RIMBP2: variants seen among roughly 807,000 people sequenced by gnomAD.
RIMBP2 encodes RIMS binding protein 2.
Under a neutral mutation model 118.6 loss-of-function variants are expected in RIMBP2, and 48 were observed. The observed-to-expected ratio is 0.40, with a 90% confidence interval of 0.32 to 0.51. The LOEUF (loss-of-function observed/expected upper bound fraction) is 0.51, where lower values mean the gene tolerates loss of function less well. Ranked by LOEUF, RIMBP2 falls within the 20% of genes least tolerant of loss-of-function variation. The pLI is 0.41. For missense variants in RIMBP2, 1,551 were observed against 1,768.3 expected, an observed-to-expected ratio of 0.88 and a Z score of 2.20; for synonymous variants, 762 against 742.9, an observed-to-expected ratio of 1.03 and a Z score of -0.42.
chr12:130,462,752 C>T (rs753427316), intron 6 of RIMBP2, among the ~76,000 whole-genome samples: 8 of 152,238 alleles, frequency 5.3e-5, no homozygotes, highest in Non-Finnish European at 7.3e-5. Context: ...CAGGGCAGAG[C>T]GCTGGCACCA....
chr12:130,470,939 T>A (rs1251907228), intron 5 of RIMBP2, among the ~76,000 whole-genome samples, 196 bp from the exon 6 acceptor site: 3 of 152,230 alleles, frequency 2.0e-5, no homozygotes, highest in Non-Finnish European at 4.4e-5. Context: ...GCTGTACAGA[T>A]AAATTGCACA....
At chr12:130,531,891 G>A (rs1227472756) in intron 2 of RIMBP2, among the ~76,000 whole-genome samples, 4 of 151,096 alleles carry the variant, frequency 2.6e-5, no homozygotes, top group African/African-American at 7.3e-5. Flanking sequence ...AATGAGATGC[G>A]TATGTTTAGC....
intron 1 of RIMBP2, among the ~76,000 whole-genome samples, chr12:130,662,690 T>C (rs2063713447): frequency 6.6e-6 from 1 of 150,982 alleles, no homozygotes; most frequent in Admixed American, 6.6e-5. Context: ...GCACAGTAGC[T>C]CACACCTGTA....
chr12:130,631,163 A>C (rs1035914876), intron 1 of RIMBP2, among the ~76,000 whole-genome samples: 4 of 152,230 alleles, frequency 2.6e-5, no homozygotes, highest in Non-Finnish European at 5.9e-5. Flanking sequence ...AAAGAACGGG[A>C]GAAGAGTTTT....
rs569696622 is a variant in RIMBP2, at chr12:130,422,184, G to T, written c.3238+269C>A. On this transcript the variant is annotated intron_variant, in intron 17 of 22. Transcript: ENST00000690449. The surrounding 1 kb of genome is among the most constrained non-coding windows in gnomAD (Gnocchi z 5.2). ...AGGATGAGGGAGGTGACACAAAGTG[G>T]TCCCCCCTTCAGTGCTTACCCTGTG... 2.0e-5 allele frequency among the ~76,000 whole-genome samples: 3 copies of T among 152,280 alleles called. No homozygotes were observed. Among genetic ancestry groups the T allele is most frequent in the Admixed American group, 6.5e-5 (1 of 15,298 alleles).
rs546609665 is a variant in RIMBP2, at chr12:130,438,448, A to C, written c.1573T>G (p.Trp525Gly). The C allele has an allele frequency of 6.2e-7, 1 of 1,611,746 alleles. No individual in the cohort carries two copies. The highest frequency in any genetic ancestry group is 8.5e-7 in the Non-Finnish European group (1 of 1,179,376). ...GTGGGCGTCAGCACAGGTGGTCTCC[A>C]GGAGACCCGGATGGTGGCGGGGGTC... ...GVTPATIRVS[W>G]RPPVLTPTGL... Residue 525 changes from tryptophan to glycine, a missense_variant, in exon 12 of 23, where the codon TGG (tryptophan) becomes GGG (glycine). Physicochemically the swap from Trp to Gly is radical, Grantham distance 184. Coordinates refer to ENST00000690449, the MANE Select transcript of RIMBP2 (RefSeq NM_001393629.1).
chr12:130,710,203 C>T lies in RIMBP2; in HGVS notation c.-352+6019G>A, dbSNP rs1047610410. On this transcript the variant is annotated intron_variant, in intron 1 of 22. Transcript: ENST00000690449. The surrounding 1 kb of genome is among the most constrained non-coding windows in gnomAD (Gnocchi z 4.3). ...GCAGCTCGCAGATCCATTCCTCCCT[C>T]TGCCCTCGGGGCCTGAACCTCTCTC... is the stretch of plus-strand genomic sequence containing the variant. Among the ~76,000 whole-genome samples the T allele has an allele frequency of 1.3e-5, 2 of 152,168 alleles. No homozygotes were observed. Among genetic ancestry groups the T allele is most frequent in the African/African-American group, 4.8e-5 (2 of 41,450 alleles).
At chr12:130,453,079 T>C (rs1445754851) in intron 7 of RIMBP2, among the ~76,000 whole-genome samples, 2 of 152,156 alleles carry the variant, frequency 1.3e-5, no homozygotes, top group Non-Finnish European at 2.9e-5. Flanking sequence ...TAGAAAAATA[T>C]AGGTCAAAAA....
rs1348602487 is a variant in RIMBP2, at chr12:130,437,166, T to C, written c.1782A>G (p.Ala594=). ...LSAQGESVDS[A]VAAVPPELLV... ...GGAGCTCGGGGGGAACGGCAGCAAC[T>C]GCAGAGTCCACGGACTCGCCCTGGG... The change falls in exon 13 of 23, where the codon GCA becomes GCG. Residue 594 remains alanine, a synonymous_variant. Coordinates refer to ENST00000690449, the MANE Select transcript of RIMBP2 (RefSeq NM_001393629.1). 11 of 1,590,394 alleles carry C rather than the reference T, an allele frequency of 6.9e-6. No individual in the cohort carries two copies. Among genetic ancestry groups the C allele is most frequent in the Admixed American group, 1.8e-5 (1 of 56,132 alleles).
intron 2 of RIMBP2, among the ~76,000 whole-genome samples, chr12:130,572,201 C>CACA: frequency 6.6e-6 from 1 of 152,182 alleles, no homozygotes; most frequent in Non-Finnish European, 1.5e-5. Context: ...ACAAAGCGGC[C>CACA]GGAAAACCCA....
chr12:130,692,745 G>T (rs1446565885), intron 1 of RIMBP2, among the ~76,000 whole-genome samples: 3 of 151,696 alleles, frequency 2.0e-5, no homozygotes, highest in Non-Finnish European at 4.4e-5. Flanking sequence ...GGTGGAATGG[G>T]GTAGAATAGA....
At chr12:130,595,324 C>A (rs929651832) in intron 2 of RIMBP2, among the ~76,000 whole-genome samples, 9 of 151,876 alleles carry the variant, frequency 5.9e-5, no homozygotes, top group African/African-American at 2.2e-4. Context: ...TTTGGGAGGC[C>A]GAGATGGGCG....
chr12:130,532,219 G>T (rs61934573), intron 2 of RIMBP2, among the ~76,000 whole-genome samples: 1 of 75,450 alleles, frequency 1.3e-5, no homozygotes, highest in Admixed American at 1.5e-4. Context: ...TAGGAGTTAC[G>T]TCTAATGAGA....
At chr12:130,476,378 T>C (rs1434042721) in intron 5 of RIMBP2, among the ~76,000 whole-genome samples, 1 of 151,914 alleles carries the variant, frequency 6.6e-6, no homozygotes, top group Non-Finnish European at 1.5e-5. Flanking sequence ...CCTTGGAGAG[T>C]CCAAAGACGA....
chr12:130,410,129 T>C (rs1421876244), intron 19 of RIMBP2, among the ~76,000 whole-genome samples: 1 of 152,214 alleles, frequency 6.6e-6, no homozygotes, highest in Non-Finnish European at 1.5e-5. Flanking sequence ...TAATTTGTGT[T>C]TCACTGATGA....
At chr12:130,515,797 A>C (rs1450702112) in intron 3 of RIMBP2, among the ~76,000 whole-genome samples, 2 of 152,078 alleles carry the variant, frequency 1.3e-5, no homozygotes, top group Non-Finnish European at 2.9e-5. Flanking sequence ...TCCCAGGTTC[A>C]AGCGATTCTC....
chr12:130,586,485 G>T (rs936963849), intron 2 of RIMBP2, among the ~76,000 whole-genome samples: 6 of 152,052 alleles, frequency 3.9e-5, no homozygotes, highest in African/African-American at 1.4e-4. Flanking sequence ...AGAGATGGGG[G>T]ATCAATAGAA....
At chr12:130,550,484 G>A (rs2055649959) in intron 2 of RIMBP2, among the ~76,000 whole-genome samples, 1 of 152,172 alleles carries the variant, frequency 6.6e-6, no homozygotes, top group Admixed American at 6.5e-5. Flanking sequence ...TAATTATATT[G>A]GGTGAATGTT....
intron 7 of RIMBP2, among the ~76,000 whole-genome samples, chr12:130,454,879 G>T (rs1446993760): frequency 2.0e-5 from 3 of 152,200 alleles, no homozygotes; most frequent in Non-Finnish European, 4.4e-5. Context: ...CAGCTTGCAA[G>T]GTGGGTCACT....
Sources: gnomAD v4.1 joint callset for allele counts (sites outside exome capture counted in the v4.1 genomes callset) on GRCh38, gnomAD v4.1.1 for gene constraint, Gnocchi (gnomAD v3.1) non-coding constraint, MANE v1.5 for transcripts, NCBI Gene and HGNC (gene_info 2026-07-23, HGNC 2026-07-21) for gene names.